DLG2: variants seen among roughly 807,000 people sequenced by gnomAD.
The protein encoded by DLG2 is discs large MAGUK scaffold protein 2, also known as disks large homolog 2.
In DLG2, 45 loss-of-function variants were observed where a neutral mutation model predicts 132.5. The observed-to-expected ratio is 0.34, with a 90% confidence interval of 0.27 to 0.44. The LOEUF (loss-of-function observed/expected upper bound fraction) is 0.44. Ranked by LOEUF, DLG2 falls within the 20% of genes least tolerant of loss-of-function variation. The pLI is 1.00. For missense variants in DLG2, 1,045 were observed against 1,196.9 expected (o/e 0.87, Z 1.87); for synonymous variants, 424 against 419.6 (o/e 1.01, Z -0.13).
At position 85,460,072 on chromosome 11, in the gene DLG2, G is replaced by T. The variant is rs776693359; in HGVS notation, c.40+138585C>A. Among the ~76,000 whole-genome samples, 4 of 152,198 alleles carry T rather than the reference G, an allele frequency of 2.6e-5. No homozygotes were observed. In the South Asian group the frequency reaches 8.3e-4, roughly 31 times the overall value. Reference sequence around the variant, plus strand: ...CTCCATCCCAGGGAAGTGCAGAGCTGCTACCAGCCCAAGAGCACAGACAGG... The same window carrying T: ...CTCCATCCCAGGGAAGTGCAGAGCTTCTACCAGCCCAAGAGCACAGACAGG... On this transcript the variant is annotated intron_variant, in intron 3 of 27. Transcript: ENST00000376104.
intron 22 of DLG2, among the ~76,000 whole-genome samples, chr11:83,474,118 C>T (rs2136734805): frequency 6.6e-6 from 1 of 152,174 alleles, no homozygotes; most frequent in Admixed American, 6.5e-5. Flanking sequence ...CTTGATGCTC[C>T]TCCTAAGTGG....
intron 18 of DLG2, among the ~76,000 whole-genome samples, chr11:83,745,964 G>GA (rs2153726685): frequency 6.6e-6 from 1 of 152,246 alleles, no homozygotes; most frequent in African/African-American, 2.4e-5. Context: ...GCAGCCAACA[G>GA]ACACATGAAA....
At chr11:83,866,826 T>C (rs1271292584) in intron 16 of DLG2, among the ~76,000 whole-genome samples, 1 of 152,142 alleles carries the variant, frequency 6.6e-6, no homozygotes, top group African/African-American at 2.4e-5. Context: ...ACTACTGGCA[T>C]TGAGCAGCCC....
intron 6 of DLG2, among the ~76,000 whole-genome samples, chr11:85,066,551 C>G (rs572562606): frequency 6.6e-6 from 1 of 151,700 alleles, no homozygotes; most frequent in Non-Finnish European, 1.5e-5. Flanking sequence ...CAACAAAATA[C>G]TAGCAAATTG....
intron 3 of DLG2, among the ~76,000 whole-genome samples, chr11:85,527,158 T>C (rs993303816): frequency 6.6e-6 from 1 of 151,224 alleles, no homozygotes; most frequent in African/African-American, 2.4e-5. Flanking sequence ...TGTTTGTTTT[T>C]GCCTAAAGGA....
chr11:84,661,278 T>C (rs911668383), intron 6 of DLG2, among the ~76,000 whole-genome samples: 1 of 152,118 alleles, frequency 6.6e-6, no homozygotes, highest in African/African-American at 2.4e-5. Context: ...TGAATAAAAA[T>C]GAAGGCTGAA....
chr11:84,203,139 T>A (rs1295210347), intron 8 of DLG2, among the ~76,000 whole-genome samples: 1 of 142,512 alleles, frequency 7.0e-6, no homozygotes, highest in Non-Finnish European at 1.6e-5. Context: ...ATATAAAAAA[T>A]TCTATGATAA....
chr11:85,150,112 C>T (rs188762428), intron 5 of DLG2, among the ~76,000 whole-genome samples: 15 of 150,148 alleles, frequency 1.0e-4, no homozygotes, highest in African/African-American at 3.0e-4. Context: ...TTCCGCCTCC[C>T]GAGTTCACGC....
At chr11:85,421,683 G>C (rs2090324741) in intron 3 of DLG2, among the ~76,000 whole-genome samples, 1 of 151,854 alleles carries the variant, frequency 6.6e-6, no homozygotes, top group South Asian at 2.1e-4. Flanking sequence ...TGAAATGTGA[G>C]GTACCATTCC....
chr11:83,503,090 T>A (rs2139236094), intron 21 of DLG2, among the ~76,000 whole-genome samples: 1 of 151,926 alleles, frequency 6.6e-6, no homozygotes, highest in African/African-American at 2.4e-5. Flanking sequence ...TCTAAGTTAC[T>A]AAGGCAATGT....
intron 7 of DLG2, among the ~76,000 whole-genome samples, chr11:84,470,150 T>A (rs2099104948): frequency 6.6e-6 from 1 of 151,778 alleles, no homozygotes; most frequent in African/African-American, 2.4e-5. Flanking sequence ...GACTGAAATG[T>A]TGTTATGTGG....
intron 10 of DLG2, among the ~76,000 whole-genome samples, chr11:84,067,381 A>G (rs1174964315): frequency 6.6e-6 from 1 of 152,174 alleles, no homozygotes; most frequent in African/African-American, 2.4e-5. Context: ...TTCAAAAGGA[A>G]TAATTCCACA....
intron 14 of DLG2, among the ~76,000 whole-genome samples, chr11:83,948,390 T>G (rs2084602918): frequency 6.6e-6 from 1 of 152,136 alleles, no homozygotes; most frequent in Non-Finnish European, 1.5e-5. Flanking sequence ...GGCAGCCACA[T>G]GGGGTCTATG....
chr11:84,273,094 G>T (rs2097749685), intron 7 of DLG2: 2 of 1,380,644 alleles, frequency 1.4e-6, no homozygotes, highest in African/African-American at 3.0e-5. Flanking sequence ...TACAACAGGA[G>T]AAAAAGGAAG....
At chr11:84,041,667 G>C (rs2096084180) in intron 11 of DLG2, among the ~76,000 whole-genome samples, 1 of 151,722 alleles carries the variant, frequency 6.6e-6, no homozygotes, top group Admixed American at 6.6e-5. Flanking sequence ...TTTTAATATA[G>C]GTCAATTTAC....
chr11:84,780,627 C>T (rs1249229187), intron 6 of DLG2, among the ~76,000 whole-genome samples: 1 of 152,018 alleles, frequency 6.6e-6, no homozygotes, highest in Admixed American at 6.6e-5. Flanking sequence ...ACATTTGGTA[C>T]TGTCATTTGT....
intron 18 of DLG2, among the ~76,000 whole-genome samples, chr11:83,683,594 G>C (rs11233714): frequency 6.6e-6 from 1 of 151,910 alleles, no homozygotes; most frequent in Non-Finnish European, 1.5e-5. Context: ...TTACTAAAAC[G>C]CAGATTGTTT....
rs2092213804 is a variant in DLG2 at position 83,472,731 on chromosome 11, C to T, written c.2340G>A (p.Gln780=). The T allele has an allele frequency of 6.2e-7, 1 of 1,611,114 alleles. No individual in the cohort carries two copies. The highest frequency in any genetic ancestry group is 1.3e-5 in the African/African-American group (1 of 74,682). The part of the protein sequence containing the change: ...LILSYEPVTR[Q]EINYTRPVII... ...AAAGCGTGCTGGGAAACTTACTTTC[C>T]TGCCTTGTAACAGGCTCATAGGAAA... The change falls in exon 23 of 28, where the codon CAG becomes CAA. Residue 780 remains glutamine (Q), a synonymous_variant. Coordinates refer to ENST00000376104, the MANE Select transcript of DLG2 (RefSeq NM_001142699.3).
At chr11:85,158,151 G>T (rs554539154) in intron 4 of DLG2, among the ~76,000 whole-genome samples, 1 of 152,188 alleles carries the variant, frequency 6.6e-6, no homozygotes, top group East Asian at 1.9e-4. Context: ...AGAACTACTT[G>T]AATTTTCTAA....
Sources: gnomAD v4.1 joint callset for allele counts (sites outside exome capture counted in the v4.1 genomes callset) on GRCh38, gnomAD v4.1.1 for gene constraint, MANE v1.5 for transcripts, NCBI Gene and HGNC (gene_info 2026-07-23, HGNC 2026-07-21) for gene names.